The following STK36 variants were observed in gnomAD, a reference collection of about 807,000 sequenced individuals.
STK36 encodes serine/threonine kinase 36.
Under a neutral mutation model 142.2 loss-of-function variants are expected in STK36, and 116 were observed. That is an observed-to-expected ratio of 0.82 (90% CI 0.70 to 0.95). STK36 has a LOEUF of 0.95. Ranked by LOEUF, STK36 falls within the 40% of genes least tolerant of loss-of-function variation. The pLI is 0.00. For synonymous variants in STK36, 619 were observed against 641.7 expected (o/e 0.96, Z 0.53); for missense variants, 1,422 against 1,617.2 (o/e 0.88, Z 2.07).
At chr2:218,679,869 A>C (rs776120392) in intron 8 of STK36, 24 bp from the exon 9 acceptor site, 2 of 1,609,306 alleles carry the variant, frequency 1.2e-6, no homozygotes, top group Non-Finnish European at 1.7e-6. Flanking sequence ...GCTCTGATTC[A>C]GTGTTGCCCC....
chr2:218,680,253 C>T (rs1163974383), intron 9 of STK36, among the ~76,000 whole-genome samples, 173 bp downstream of exon 9: 2 of 152,134 alleles, frequency 1.3e-5, no homozygotes, highest in Admixed American at 1.3e-4. Context: ...TTTTCTGATT[C>T]ATCAGGAAAC....
chr2:218,681,462 G>T lies in STK36; in HGVS notation c.1236+760G>T, dbSNP rs554012134. 4.6e-5 allele frequency among the ~76,000 whole-genome samples: 7 copies of T among 152,028 alleles called. No homozygotes were observed. In the East Asian group the frequency reaches 1.2e-3, roughly 25 times the overall value. ...TATTAATATGTTTTTTTTGAGTTTTGCCTTTTTTTTAAAATAATTTCAAAC... is the reference window on the plus strand; with the variant it reads ...TATTAATATGTTTTTTTTGAGTTTTTCCTTTTTTTTAAAATAATTTCAAAC... On this transcript the variant is annotated intron_variant, in intron 10 of 26. Transcript: ENST00000295709.
chr2:218,680,165 T>C, intron 9 of STK36, 85 bp downstream of exon 9: 1 of 1,323,386 alleles, frequency 7.6e-7, no homozygotes, highest in South Asian at 1.3e-5. Flanking sequence ...GAATGGTCCC[T>C]GTCACTAGCC....
chr2:218,694,135 T>G lies in STK36; in HGVS notation c.2337-129T>G. On this transcript the variant is annotated intron_variant, in intron 19 of 26. Coordinates refer to ENST00000295709, the MANE Select transcript of STK36 (RefSeq NM_015690.5). This position sits in a 1 kb window ranked among gnomAD's most constrained non-coding sequence, Gnocchi z 4.4. ...TTCTCTACAAAGAACAGACCTAGAC[T>G]CCCATCAACTTTGTGCCTTGGAGGT... The G allele has an allele frequency of 1.7e-6, 2 of 1,154,110 alleles. No homozygotes were observed. Among genetic ancestry groups the G allele is most frequent in the South Asian group, 2.6e-5 (2 of 78,102 alleles). The allele number at this position is 1,154,110 out of a possible 1,614,324, so 71.5% of individuals were successfully genotyped here.
Position 218,694,670 on chromosome 2 carries a change from C to T in STK36, c.2511+35C>T. ...CCCAGGGAGGGCACAGACATGTTTT[C>T]TCTGAGTCAGACACTAGGACTGCAT... On this transcript the variant is annotated intron_variant, in intron 21 of 26. Coordinates refer to ENST00000295709, the MANE Select transcript of STK36 (RefSeq NM_015690.5). The surrounding 1 kb of genome is among the most constrained non-coding windows in gnomAD (Gnocchi z 4.4). 6.3e-7 allele frequency: 1 copy of T among 1,577,080 alleles called. No individual in the cohort carries two copies.
In STK36 at chr2:218,675,355, G is replaced by A. The variant is rs770146736; in HGVS notation, c.316G>A (p.Ala106Thr). The change falls in exon 5 of 27, where the codon GCT (alanine) becomes ACT (threonine). Residue 106 changes from alanine to threonine, a missense_variant. By Grantham distance (58) the Ala-to-Thr change is moderately conservative. Transcript: ENST00000295709. ...CTTTAATTTCTAGGTTCAGGCCATT[G>A]CTGCCCAGTTGGTGTCAGCCCTGTA... ...KLPEDQVQAIAAQLVSALYYL... is the reference protein window; with the variant it reads ...KLPEDQVQAITAQLVSALYYL... 2.2e-5 allele frequency: 35 copies of A among 1,609,744 alleles called. No individual in the cohort carries two copies. Among genetic ancestry groups the A allele is most frequent in the Non-Finnish European group, 2.9e-5 (34 of 1,178,140 alleles).
rs1941357686 is a variant in STK36 at position 218,699,244 on chromosome 2, C to T, written c.3700C>T (p.Pro1234Ser). Residue 1234 changes from proline (P) to serine (S), a missense_variant, in exon 26 of 27, where the codon CCC becomes TCC. Coordinates refer to ENST00000295709, the MANE Select transcript of STK36 (RefSeq NM_015690.5). The stretch of plus-strand genomic sequence containing the variant: ...AGAGGAGCTGTTACAGTGCGAAGTA[C>T]CCCAGCGGCTCCTAGAAATGGCATG... ...LGEELLQCEV[P>S]QRLLEMACGD... The T allele has an allele frequency of 3.1e-6, 5 of 1,613,826 alleles. No individual in the cohort carries two copies. Among genetic ancestry groups the T allele is most frequent in the African/African-American group, 1.3e-5 (1 of 74,866 alleles).
chr2:218,685,050 C>T, intron 10 of STK36, 35 bp from the exon 11 acceptor site: 2 of 1,613,144 alleles, frequency 1.2e-6, no homozygotes, highest in South Asian at 2.2e-5. Flanking sequence ...GACTTACACA[C>T]TACTCCTGAC....
In STK36 at chr2:218,685,101, A is replaced by G. The variant is rs1940718100; in HGVS notation, c.1253A>G (p.Asn418Ser). Residue 418 changes from asparagine (N) to serine (S), a missense_variant, in exon 11 of 27, where the codon AAT becomes AGT. Around this residue, in one of 2 missense-constraint regions of STK36, gnomAD observed 962 missense variants for 1,167.5 expected, o/e 0.82. Coordinates refer to ENST00000295709, the MANE Select transcript of STK36 (RefSeq NM_015690.5). ...CTGCCTCAGGAGCCAGACAGTGACA[A>G]TGAGTGGCAGCACCTGCTAGAGACC... ...DLENEEPDSD[N>S]EWQHLLETTE... The G allele has an allele frequency of 6.2e-7, 1 of 1,614,076 alleles. No individual in the cohort carries two copies. Among genetic ancestry groups the G allele is most frequent in the Non-Finnish European group, 8.5e-7 (1 of 1,179,984 alleles).
chr2:218,672,142 T>A lies in STK36; in HGVS notation c.-163T>A. ...ATGTGTCCCAGGAAGTGCCCATGTGTGGTCCGCCGTCCATTCCACACCTCT... is the reference window on the plus strand; with the variant it reads ...ATGTGTCCCAGGAAGTGCCCATGTGAGGTCCGCCGTCCATTCCACACCTCT... On this transcript the variant is annotated 5_prime_UTR_variant, in exon 1 of 27. It introduces an in-frame stop codon into an upstream open reading frame of the 5' UTR. Transcript: ENST00000295709. The A allele has an allele frequency of 2.8e-6, 2 of 709,188 alleles. No homozygotes were observed. The highest frequency in any genetic ancestry group is 1.8e-5 in the African/African-American group (1 of 56,518). The allele number at this position is 709,188 out of a possible 1,614,324, so 43.9% of individuals were successfully genotyped here.
At chr2:218,693,845 C>A in intron 18 of STK36, 24 bp downstream of exon 18, 1 of 1,614,020 alleles carries the variant, frequency 6.2e-7, no homozygotes, top group East Asian at 2.2e-5. Context: ...CCCTGGCAGC[C>A]CCACTGTCTC....
At chr2:218,682,538 T>C (rs1324627304) in intron 10 of STK36, among the ~76,000 whole-genome samples, 1 of 152,338 alleles carries the variant, frequency 6.6e-6, no homozygotes, top group South Asian at 2.1e-4. Flanking sequence ...TAATGTGCGT[T>C]ATGAAAATTT....
At chr2:218,696,427 CA>C in intron 21 of STK36, 99 bp from the exon 22 acceptor site, 1 of 1,022,126 alleles carries the variant, frequency 9.8e-7, no homozygotes, top group East Asian at 2.4e-5. Flanking sequence ...GGTTGACTCT[CA>C]AATCTGTTCC....
Position 218,690,464 on chromosome 2 carries a change from A to G in STK36, c.1673A>G (p.Gln558Arg). The change falls in exon 14 of 27, where the codon CAG becomes CGG. Residue 558 changes from glutamine to arginine, a missense_variant. By Grantham distance (43) the Gln-to-Arg change is conservative (BLOSUM62 1). Around this residue, in one of 2 missense-constraint regions of STK36, gnomAD observed 962 missense variants for 1,167.5 expected, o/e 0.82. Transcript: ENST00000295709. ...SQTSDSLQVF[Q>R]EAANLFLDLL... ...TCCACCCCCAGCCTGCAGGTGTTTC[A>G]GGAGGCTGCCAACCTTTTTCTGGAC... 2.5e-6 allele frequency: 4 copies of G among 1,614,090 alleles called. No homozygotes were observed. Among genetic ancestry groups the G allele is most frequent in the Non-Finnish European group, 3.4e-6 (4 of 1,179,978 alleles).
At chr2:218,689,627 T>C (rs753036641) in intron 12 of STK36, among the ~76,000 whole-genome samples, 1 of 152,200 alleles carries the variant, frequency 6.6e-6, no homozygotes, top group Non-Finnish European at 1.5e-5. Flanking sequence ...TAGAACCTCC[T>C]ATACTCCAAA....
Position 218,702,082 on chromosome 2 carries a change from C to T in STK36, c.*73C>T. ...CTTATTCTACTACACAAGCCGCCAA[C>T]TCAACTGAGAGCTAAAGAGACTAGA... is the stretch of plus-strand genomic sequence containing the variant. On this transcript the variant is annotated 3_prime_UTR_variant, in exon 27 of 27. Transcript: ENST00000295709. The T allele has an allele frequency of 6.4e-7, 1 of 1,567,358 alleles. No individual in the cohort carries two copies.
rs747541214 is a variant in STK36 at position 218,692,277 on chromosome 2, T to C, written c.1899T>C (p.Pro633=). ...ATGGCTTGACAGTTCCACAGCTCCC[T>C]GTCCACACTCCCCAAGGTAACCAGA... ...LLHGLTVPQL[P]VHTPQGAPQV... The change falls in exon 15 of 27, where the codon CCT becomes CCC. Residue 633 remains proline, a synonymous_variant. Transcript: ENST00000295709. 2 of 1,614,212 alleles carry C rather than the reference T, an allele frequency of 1.2e-6. No homozygotes were observed. The highest frequency in any genetic ancestry group is 1.7e-6 in the Non-Finnish European group (2 of 1,180,044).
chr2:218,681,103 C>A (rs969995829), intron 10 of STK36, among the ~76,000 whole-genome samples: 1 of 151,884 alleles, frequency 6.6e-6, no homozygotes, highest in Non-Finnish European at 1.5e-5. Flanking sequence ...TCTTTCTACA[C>A]CAGAGCATGT....
In STK36 at chr2:218,702,009, A is replaced by G. The variant is rs891968562; in HGVS notation, c.3948A>G (p.Ter1316TrpextTer27). The change falls in exon 27 of 27, where the codon TGA becomes TGG. Residue 1316 changes from the stop codon to tryptophan, a stop_lost. Coordinates refer to ENST00000295709, the MANE Select transcript of STK36 (RefSeq NM_015690.5). The stretch of plus-strand genomic sequence containing the variant: ...TCCTGAGGCCAGCCCATAGCATGTG[A>G]TTCCAGATTCCTGCGGTCCAGCCTC... ...IHLLRPAHSM* is the reference protein window; with the variant it reads ...IHLLRPAHSMW 6.2e-7 allele frequency: 1 copy of G among 1,613,526 alleles called. No homozygotes were observed. The highest frequency in any genetic ancestry group is 8.5e-7 in the Non-Finnish European group (1 of 1,179,690).
Sources: allele counts gnomAD v4.1 joint callset (sites outside exome capture counted in the v4.1 genomes callset), GRCh38; gene constraint gnomAD v4.1.1; regional missense constraint gnomAD v4.1.1; non-coding constraint Gnocchi (gnomAD v3.1); transcripts MANE v1.5; gene names NCBI Gene and HGNC (gene_info 2026-07-23, HGNC 2026-07-21).